The following NOX1 variants were observed in gnomAD, a reference collection of about 807,000 sequenced individuals.
NOX1 encodes NADH/NADPH mitogenic oxidase subunit P65-MOX.
NOX1 carries 34 observed loss-of-function variants against 42.5 expected under a neutral mutation model. The observed-to-expected ratio is 0.80, with a 90% CI of 0.61 to 1.07. The LOEUF (loss-of-function observed/expected upper bound fraction) is 1.07. Among genes scored for constraint, NOX1 ranks in the 50% least tolerant of loss-of-function variants. The pLI, the probability that NOX1 is intolerant of heterozygous loss-of-function variation, is 0.00. For synonymous variants in NOX1, 143 were observed against 152.5 expected (o/e 0.94, Z 0.46); for missense variants, 408 against 427.0 (o/e 0.96, Z 0.39).
At chrX:100,859,550 G>C (rs2085189217) in intron 7 of NOX1, among the ~76,000 whole-genome samples, 1 of 111,339 alleles carries the variant, frequency 9.0e-6, no homozygotes. Flanking sequence ...GAATTTGGCT[G>C]TGAATCTATC....
intron 12 of NOX1, among the ~76,000 whole-genome samples, chrX:100,844,806 C>T (rs1430054405): frequency 8.9e-6 from 1 of 111,885 alleles, no homozygotes; most frequent in Non-Finnish European, 1.9e-5. Flanking sequence ...GTACTTACCA[C>T]ATAGGGTTGT....
chrX:100,874,193 G>C lies in NOX1; in HGVS notation c.-54C>G. 5.6e-6 allele frequency: 5 copies of C among 886,236 alleles called. No homozygotes were observed. The highest frequency in any genetic ancestry group is 8.2e-6 in the Non-Finnish European group (5 of 607,417). 73.0% of individuals were successfully genotyped at this position (886,236 alleles called of 1,213,427 possible). A position where few individuals can be genotyped will look rare whatever the true frequency, so the allele number is the denominator to read the frequency against. ...GGCAACAGGGAAGATTCAGCAATCC[G>C]GATTCTGGAGAGGTCCTTCAGGAAT... On this transcript the variant is annotated 5_prime_UTR_variant, in exon 1 of 13. Transcript: ENST00000372966.
intron 7 of NOX1, among the ~76,000 whole-genome samples, chrX:100,853,304 T>TCTCTTTC (rs1190355171): frequency 1.4e-4 from 11 of 78,362 alleles, no homozygotes; most frequent in East Asian, 7.1e-4. Flanking sequence ...CTTTCTTTCT[T>TCTCTTTC]TCTTTCTTTC....
intron 1 of NOX1, among the ~76,000 whole-genome samples, chrX:100,871,680 GGT>G (rs2085275456): frequency 8.9e-6 from 1 of 111,771 alleles, no homozygotes; most frequent in African/African-American, 3.3e-5. Context: ...CCAACCAACT[GGT>G]CTCTAGCCCA....
At chrX:100,850,092 T>G in intron 9 of NOX1, 59 bp downstream of exon 9, 1 of 1,046,423 alleles carries the variant, frequency 9.6e-7, no homozygotes, top group South Asian at 2.1e-5. Context: ...GAAGAATTGC[T>G]TTCTCTTTTC....
chrX:100,847,413 A>T (rs1445846028), intron 12 of NOX1, among the ~76,000 whole-genome samples: 7 of 111,294 alleles, frequency 6.3e-5, no homozygotes, highest in Non-Finnish European at 1.9e-5. Flanking sequence ...GGCAAGAACC[A>T]TATCCTATTT....
intron 7 of NOX1, among the ~76,000 whole-genome samples, chrX:100,859,952 A>G (rs781632175): frequency 9.1e-6 from 1 of 110,264 alleles, no homozygotes; most frequent in South Asian, 3.9e-4. Flanking sequence ...TATGGTACAA[A>G]ATCTGAAAGT....
intron 8 of NOX1, among the ~76,000 whole-genome samples, chrX:100,851,017 T>G (rs1238866986): frequency 9.0e-6 from 1 of 110,595 alleles, no homozygotes; most frequent in Non-Finnish European, 1.9e-5. Context: ...TTTTTTTTTT[T>G]TTATTAGAGA....
At position 100,854,598 on chromosome X, in the gene NOX1, G is replaced by T. The variant is rs762274447; in HGVS notation, c.805-3273C>A. The stretch of plus-strand genomic sequence containing the variant: ...TCTTTTTTTTCAAGAGAATTAAATT[G>T]TTTATTGATTACACATGATAATGGA... On this transcript the variant is annotated intron_variant, in intron 7 of 12. Transcript: ENST00000372966. Among the ~76,000 whole-genome samples, 3 of 111,138 alleles carry T rather than the reference G, an allele frequency of 2.7e-5. No individual in the cohort carries two copies. The South Asian group carries it at 1.1e-3, about 42-fold the overall frequency.
intron 11 of NOX1, 137 bp downstream of exon 11, chrX:100,849,143 C>T: frequency 1.6e-6 from 1 of 629,247 alleles, no homozygotes; most frequent in African/African-American, 2.3e-5. Flanking sequence ...CTCTTCTTTC[C>T]ACCACTTTTA....
intron 2 of NOX1, among the ~76,000 whole-genome samples, chrX:100,864,153 C>T: frequency 9.0e-6 from 1 of 111,182 alleles, no homozygotes; most frequent in African/African-American, 3.3e-5. Flanking sequence ...CCATACCCAG[C>T]CAATTTTTGT....
At chrX:100,853,322 C>CTTTT (rs1477561382) in intron 7 of NOX1, among the ~76,000 whole-genome samples, 287 of 22,620 alleles carry the variant, frequency 0.013, 1 homozygote, top group African/African-American at 0.018. Flanking sequence ...TTCTTTCTTT[C>CTTTT]TCTCTCTTTC....
rs748493122 is a variant in NOX1 at position 100,863,140 on chromosome X, C to G, written c.337+19G>C. Reference sequence around the variant, plus strand: ...CTGAATGCCCTGGAGTCTGCAGATTCATGGATTGCCTGAGTTACCTGTATG... The same window carrying G: ...CTGAATGCCCTGGAGTCTGCAGATTGATGGATTGCCTGAGTTACCTGTATG... On this transcript the variant is annotated intron_variant, in intron 4 of 12. Transcript: ENST00000372966. 1 of 1,127,022 alleles carries G rather than the reference C, an allele frequency of 8.9e-7. No homozygotes were observed. Among genetic ancestry groups the G allele is most frequent in the Non-Finnish European group, 1.2e-6 (1 of 818,276 alleles). The allele number at this position is 1,127,022 out of a possible 1,213,427, so 92.9% of individuals were successfully genotyped here.
At chrX:100,863,728 C>A in intron 2 of NOX1, 133 bp from the exon 3 acceptor site, 1 of 998,775 alleles carries the variant, frequency 1.0e-6, no homozygotes, top group Non-Finnish European at 1.3e-6. Context: ...CTCTCAGTAG[C>A]TAACACCATC....
At chrX:100,847,009 G>C (rs959722970) in intron 12 of NOX1, among the ~76,000 whole-genome samples, 1 of 111,718 alleles carries the variant, frequency 9.0e-6, no homozygotes, top group African/African-American at 3.3e-5. Context: ...CCAATATGGC[G>C]AAACCCCATC....
At position 100,844,048 on chromosome X, in the gene NOX1, A is replaced by T. The variant is rs756914482; in HGVS notation, c.1599T>A (p.Pro533=). 1 of 1,199,033 alleles carries T rather than the reference A, an allele frequency of 8.3e-7. No homozygotes were observed. The highest frequency in any genetic ancestry group is 1.8e-5 in the South Asian group (1 of 55,214). ...KSVVGVFLCG[P]RTLAKSLRKC... is the part of the protein sequence containing the mutation. ...TGCGCAGGCTCTTTGCCAAAGTCCG[A>T]GGGCCACATAAGAAAACTCCCACTA... is the stretch of plus-strand genomic sequence containing the variant. Residue 533 remains proline (P), a synonymous_variant, in exon 13 of 13, where the codon CCT becomes CCA. Transcript: ENST00000372966.
chrX:100,853,288 T>TTCTCTCTCTCTTTC (rs1367158003), intron 7 of NOX1, among the ~76,000 whole-genome samples: 1 of 69,664 alleles, frequency 1.4e-5, no homozygotes, highest in Non-Finnish European at 2.6e-5. Context: ...CTTTCTTTCT[T>TTCTCTCTCTCTTTC]TCTTTCTTTC....
rs1026243030 is a variant in NOX1, at chrX:100,843,705, T to C, written c.*247A>G. 4 of 398,712 alleles carry C rather than the reference T, an allele frequency of 1.0e-5. No individual in the cohort carries two copies. The highest frequency in any genetic ancestry group is 4.2e-6 in the Non-Finnish European group (1 of 236,728). 32.9% of individuals were successfully genotyped at this position (398,712 alleles called of 1,213,427 possible). ...ACAGTCATGGCTGTCCAGAAAGATT[T>C]ACAGTTATTTTTCTGAGAAAGGATC... On this transcript the variant is annotated 3_prime_UTR_variant, in exon 13 of 13. Coordinates refer to ENST00000372966, the MANE Select transcript of NOX1 (RefSeq NM_007052.5).
intron 7 of NOX1, 49 bp downstream of exon 7, chrX:100,862,122 A>C: frequency 8.6e-7 from 1 of 1,162,964 alleles, no homozygotes; most frequent in Non-Finnish European, 1.2e-6. Flanking sequence ...AAGAATAATA[A>C]CAGTAACAGC....
Sources: allele counts gnomAD v4.1 joint callset (sites outside exome capture counted in the v4.1 genomes callset), GRCh38; gene constraint gnomAD v4.1.1; transcripts MANE v1.5; gene names NCBI Gene and HGNC (gene_info 2026-07-23, HGNC 2026-07-21).